Variants in HECTD4 observed in about 807,000 individuals in gnomAD.
HECTD4 encodes probable E3 ubiquitin-protein ligase HECTD4.
In HECTD4, 114 loss-of-function variants were observed where a neutral mutation model predicts 471.5. The ratio of observed to expected loss-of-function variants is 0.24; its 90% confidence interval spans 0.21 to 0.28. HECTD4 has a LOEUF of 0.28. Ranked by LOEUF, HECTD4 falls within the 10% of genes least tolerant of loss-of-function variation. HECTD4 has a pLI of 1.00. For synonymous variants in HECTD4, 2,012 were observed against 2,256.0 expected (o/e 0.89, Z 3.07); for missense variants, 3,866 against 5,651.5 (o/e 0.68, Z 10.13).
At chr12:112,261,679 G>T (rs2034148849) in intron 17 of HECTD4, 6 of 333,618 alleles carry the variant, frequency 1.8e-5, no homozygotes, top group Non-Finnish European at 3.4e-5. Context: ...TATTTCAGAG[G>T]GATCACACTG....
chr12:112,213,310 A>G lies in HECTD4; in HGVS notation c.7466-660T>C, dbSNP rs1443928225. 6.6e-6 allele frequency among the ~76,000 whole-genome samples: 1 copy of G among 152,176 alleles called. No homozygotes were observed. The highest frequency in any genetic ancestry group is 2.1e-4 in the South Asian group (1 of 4,832). ...AGAAAAATGAAGTTTTTCTCTTTTG[A>G]CACATGGAGGATTACTTATGACGAA... On this transcript the variant is annotated intron_variant, in intron 48 of 75. Transcript: ENST00000682272. The surrounding 1 kb of genome is among the most constrained non-coding windows in gnomAD (Gnocchi z 4.0).
chr12:112,318,118 TA>T (rs1449762044), intron 2 of HECTD4, among the ~76,000 whole-genome samples: 4 of 151,232 alleles, frequency 2.6e-5, no homozygotes, highest in Non-Finnish European at 5.9e-5. Context: ...CTACTAAAAA[TA>T]CAAAAAAATT....
chr12:112,252,140 T>C (rs990027192), intron 23 of HECTD4, among the ~76,000 whole-genome samples: 1 of 152,218 alleles, frequency 6.6e-6, no homozygotes, highest in Non-Finnish European at 1.5e-5. Context: ...TGAGTCCTCT[T>C]TGCCCTGTGG....
chr12:112,313,264 T>TG, intron 3 of HECTD4, 117 bp from the exon 4 acceptor site: 1 of 595,180 alleles, frequency 1.7e-6, no homozygotes, highest in Non-Finnish European at 2.6e-6. Context: ...GTATAATATT[T>TG]TATACAAATA....
At chr12:112,377,399 C>T (rs924234558) in intron 1 of HECTD4, among the ~76,000 whole-genome samples, 1 of 152,094 alleles carries the variant, frequency 6.6e-6, no homozygotes, top group Non-Finnish European at 1.5e-5. Flanking sequence ...TTGTCATTGT[C>T]TATATCATCC....
rs944638033 is a variant in HECTD4, at chr12:112,317,374, C to T, written c.695+1851G>A. ...TTGCCTTAAAAAAACCCTTGAGATT[C>T]AATCATTTGAAGGTCAACTTTGAAA... On this transcript the variant is annotated intron_variant, in intron 2 of 75. Coordinates refer to ENST00000682272, the MANE Select transcript of HECTD4 (RefSeq NM_001388303.1). 6.6e-5 allele frequency among the ~76,000 whole-genome samples: 10 copies of T among 152,264 alleles called. No homozygotes were observed. The South Asian group carries it at 1.9e-3, about 28-fold the overall frequency.
intron 1 of HECTD4, among the ~76,000 whole-genome samples, chr12:112,337,062 C>T (rs2035971388): frequency 6.6e-6 from 1 of 152,088 alleles, no homozygotes; most frequent in Non-Finnish European, 1.5e-5. Context: ...TTAAAACAGG[C>T]CTAGCTAAAT....
intron 66 of HECTD4, 142 bp downstream of exon 66, chr12:112,175,594 T>C: frequency 9.9e-7 from 1 of 1,007,680 alleles, no homozygotes; most frequent in South Asian, 1.6e-5. Context: ...CATTTAGCAC[T>C]TAGGAAAAAA....
At chr12:112,216,470 A>G in intron 47 of HECTD4, 99 bp from the exon 48 acceptor site, 1 of 798,348 alleles carries the variant, frequency 1.3e-6, no homozygotes, top group Non-Finnish European at 2.1e-6. Context: ...GGGGGTGGTC[A>G]GCATTGTGAG....
Position 112,184,282 on chromosome 12 carries a change from C to T in HECTD4, c.10684G>A (p.Ala3562Thr). ...LGEPLDNAET[A>T]SVSDMGSMYT... ...ATGGAGCCCATGTCCGACACCGAGG[C>T]CGTCTCTGCATTGTCCAGGGGCTCC... Residue 3562 changes from alanine (A) to threonine (T), a missense_variant, in exon 61 of 76, where the codon GCC becomes ACC. Transcript: ENST00000682272. The surrounding 1 kb of genome is among the most constrained non-coding windows in gnomAD (Gnocchi z 9.1). 6.2e-7 allele frequency: 1 copy of T among 1,613,526 alleles called. No individual in the cohort carries two copies. The highest frequency in any genetic ancestry group is 8.5e-7 in the Non-Finnish European group (1 of 1,179,826).
chr12:112,180,966 T>TAAA (rs1201169489), intron 62 of HECTD4, among the ~76,000 whole-genome samples: 3 of 140,356 alleles, frequency 2.1e-5, no homozygotes. Context: ...ACTTGTCAGC[T>TAAA]AAAAAAAAAA....
rs2030820099 is a variant in HECTD4 at position 112,164,039 on chromosome 12, TG to T, written c.12701+69del. 3.2e-5 allele frequency: 43 copies of T among 1,352,704 alleles called. 2 individuals carry two copies. The South Asian group carries it at 7.8e-4, about 24-fold the overall frequency. 83.8% of individuals were successfully genotyped at this position (1,352,704 alleles called of 1,614,324 possible). On this transcript the variant is annotated intron_variant, in intron 73 of 75. Coordinates refer to ENST00000682272, the MANE Select transcript of HECTD4 (RefSeq NM_001388303.1). The stretch of plus-strand genomic sequence containing the variant: ...CCTCGTGTCATTGCCCAGGAACAGA[TG>T]CTGCTGTCATACCCTGGCTGGCTGG...
rs192755098 is a variant in HECTD4, at chr12:112,267,755, T to C, written c.2322-773A>G. Among the ~76,000 whole-genome samples the C allele has an allele frequency of 1.7e-4, 26 of 152,336 alleles. 1 individual carries two copies. The highest frequency in any genetic ancestry group is 1.0e-3 in the Admixed American group (16 of 15,302). On this transcript the variant is annotated intron_variant, in intron 13 of 75. Transcript: ENST00000682272. Reference sequence around the variant, plus strand: ...TCCGAAGAGAAGGGAAGAACAATATTGCAAATGGCATCAGAATCTTTTTTC... The same window carrying C: ...TCCGAAGAGAAGGGAAGAACAATATCGCAAATGGCATCAGAATCTTTTTTC...
chr12:112,231,243 A>G, intron 39 of HECTD4: 1 of 514,696 alleles, frequency 1.9e-6, no homozygotes, highest in East Asian at 3.4e-5. Flanking sequence ...ACCAGAGTTT[A>G]TTAATACTAC....
In HECTD4 at chr12:112,184,336, C is replaced by T. The variant is rs781397924; in HGVS notation, c.10630G>A (p.Gly3544Ser). 13 of 1,612,974 alleles carry T rather than the reference C, an allele frequency of 8.1e-6. No individual in the cohort carries two copies. The highest frequency in any genetic ancestry group is 1.6e-4 in the Middle Eastern group (1 of 6,062). Residue 3544 changes from glycine to serine, a missense_variant, in exon 61 of 76, where the codon GGC becomes AGC. Coordinates refer to ENST00000682272, the MANE Select transcript of HECTD4 (RefSeq NM_001388303.1). The surrounding 1 kb of genome is among the most constrained non-coding windows in gnomAD (Gnocchi z 9.1). ...ESLDISLCST[G>S]SLGSLGSLGE... is the part of the protein sequence containing the mutation. ...AGGCTGCCCAGGCTGCCCAGGCTGC[C>T]GGTGCTGCACAGGGAAATGTCCAGG...
rs114756191 is a variant in HECTD4, at chr12:112,251,305, C to T, written c.3553-171G>A. Among the ~76,000 whole-genome samples the T allele has an allele frequency of 6.1e-3, 930 of 152,312 alleles. 11 individuals are homozygous for T. The highest frequency in any genetic ancestry group is 0.021 in the African/African-American group (864 of 41,554). ...CCCAAATCATGACTAGATGGTGGCA[C>T]TGGAATGACCAGAGTGAAGTCTCAA... On this transcript the variant is annotated intron_variant, in intron 23 of 75. Coordinates refer to ENST00000682272, the MANE Select transcript of HECTD4 (RefSeq NM_001388303.1).
intron 49 of HECTD4, among the ~76,000 whole-genome samples, chr12:112,211,526 A>AG (rs1212075721): frequency 2.0e-5 from 3 of 151,466 alleles, no homozygotes; most frequent in Non-Finnish European, 2.9e-5. Flanking sequence ...GATGTCCTGA[A>AG]GGGGGAAAAA....
chr12:112,250,884 C>T, intron 24 of HECTD4, 87 bp downstream of exon 24: 1 of 1,348,462 alleles, frequency 7.4e-7, no homozygotes, highest in Non-Finnish European at 1.0e-6. Context: ...GGCACAATCA[C>T]CTGGGAAATG....
chr12:112,375,792 G>C (rs1202716033), intron 1 of HECTD4, among the ~76,000 whole-genome samples: 1 of 151,780 alleles, frequency 6.6e-6, no homozygotes, highest in East Asian at 1.9e-4. Context: ...TCCTAAGCCG[G>C]TCGTGGTGGC....
Sources: allele counts gnomAD v4.1 joint callset (sites outside exome capture counted in the v4.1 genomes callset), GRCh38; gene constraint gnomAD v4.1.1; non-coding constraint Gnocchi (gnomAD v3.1); transcripts MANE v1.5; gene names NCBI Gene and HGNC (gene_info 2026-07-23, HGNC 2026-07-21).